The following SMG6 variants were observed in gnomAD, a reference collection of about 807,000 sequenced individuals.
SMG6 encodes telomerase-binding protein EST1A.
In SMG6, 66 loss-of-function variants were observed where a neutral mutation model predicts 142.2. The ratio of observed to expected loss-of-function variants is 0.46; its 90% CI spans 0.38 to 0.57. The LOEUF (loss-of-function observed/expected upper bound fraction) is 0.57, where lower values mean the gene tolerates loss of function less well. Ranked by LOEUF, SMG6 falls within the 20% of genes least tolerant of loss-of-function variation. The probability of loss-of-function intolerance (pLI) is 0.00; values close to 1 mark genes in which losing one functional copy is unlikely to be tolerated. For missense variants in SMG6, 1,793 were observed against 1,832.0 expected (o/e 0.98, Z 0.39); for synonymous variants, 779 against 702.4 (o/e 1.11, Z -1.72).
intron 8 of SMG6, among the ~76,000 whole-genome samples, chr17:2,259,713 C>T (rs989322490): frequency 2.0e-5 from 3 of 150,118 alleles, no homozygotes; most frequent in Non-Finnish European, 3.0e-5. Context: ...AATATGTGTG[C>T]ATTCGCACAC....
At chr17:2,125,255 T>C (rs893271056) in intron 13 of SMG6, among the ~76,000 whole-genome samples, 3 of 152,136 alleles carry the variant, frequency 2.0e-5, no homozygotes, top group Non-Finnish European at 4.4e-5. Context: ...AGAGATAACC[T>C]GGAGGGACCG....
chr17:2,081,703 C>T, intron 15 of SMG6, 107 bp downstream of exon 15: 1 of 1,317,038 alleles, frequency 7.6e-7, no homozygotes, highest in Non-Finnish European at 1.1e-6. Flanking sequence ...CACTGCAGGA[C>T]TGACTCACTC....
At chr17:2,209,033 C>A (rs1366005882) in intron 10 of SMG6, among the ~76,000 whole-genome samples, 1 of 151,972 alleles carries the variant, frequency 6.6e-6, no homozygotes, top group Non-Finnish European at 1.5e-5. Context: ...GGCATGGTAG[C>A]ATGTGTCTGT....
At chr17:2,102,138 T>C (rs1306636699) in intron 13 of SMG6, among the ~76,000 whole-genome samples, 2 of 152,226 alleles carry the variant, frequency 1.3e-5, no homozygotes, top group African/African-American at 4.8e-5. Context: ...TACTGAGCCC[T>C]GTCTGCAAGA....
intron 10 of SMG6, among the ~76,000 whole-genome samples, chr17:2,188,803 C>A (rs1039526099): frequency 6.6e-6 from 1 of 152,200 alleles, no homozygotes; most frequent in Non-Finnish European, 1.5e-5. Context: ...TGCATGGTCT[C>A]TGCCTTTAGC....
At chr17:2,253,463 T>C (rs1328012278) in intron 8 of SMG6, among the ~76,000 whole-genome samples, 3 of 152,172 alleles carry the variant, frequency 2.0e-5, no homozygotes, top group Non-Finnish European at 4.4e-5. Flanking sequence ...TGCTGATACC[T>C]GGGCTAAATA....
At chr17:2,089,202 G>A (rs933990798) in intron 13 of SMG6, among the ~76,000 whole-genome samples, 1 of 152,180 alleles carries the variant, frequency 6.6e-6, no homozygotes, top group Admixed American at 6.5e-5. Context: ...ATGAAAACCA[G>A]AGAATGTAAG....
chr17:2,232,162 A>G (rs531071025), intron 10 of SMG6, among the ~76,000 whole-genome samples: 1 of 152,122 alleles, frequency 6.6e-6, no homozygotes, highest in African/African-American at 2.4e-5. Context: ...ATGGGGTTTC[A>G]GTGCTCCCCT....
chr17:2,119,864 G>C (rs560075183), intron 13 of SMG6, among the ~76,000 whole-genome samples: 1 of 152,212 alleles, frequency 6.6e-6, no homozygotes, highest in East Asian at 1.9e-4. Flanking sequence ...AGGTTTCACT[G>C]TGTTAGCCGG....
At chr17:2,260,331 C>G (rs564891467) in intron 8 of SMG6, among the ~76,000 whole-genome samples, 20 of 152,288 alleles carry the variant, frequency 1.3e-4, no homozygotes, top group South Asian at 4.1e-4. Flanking sequence ...TTTCCCCCCC[C>G]ACAGCCAGAT....
rs558528940 is a variant in SMG6, at chr17:2,280,088, C to T, written c.2661+2559G>A. Among the ~76,000 whole-genome samples, 42 of 152,194 alleles carry T rather than the reference C, an allele frequency of 2.8e-4. No homozygotes were observed. The South Asian group carries it at 8.3e-3, about 30-fold the overall frequency. On this transcript the variant is annotated intron_variant, in intron 8 of 18. Transcript: ENST00000263073. Reference sequence around the variant, plus strand: ...TATTTTAATTTCTCTATCCTCAATGCTTACTTCTTATCAATGTGTGTGTTC... The same window carrying T: ...TATTTTAATTTCTCTATCCTCAATGTTTACTTCTTATCAATGTGTGTGTTC...
chr17:2,176,600 AC>A (rs2046149650), intron 12 of SMG6, among the ~76,000 whole-genome samples: 1 of 152,190 alleles, frequency 6.6e-6, no homozygotes, highest in African/African-American at 2.4e-5. Context: ...GCCAGAGAAT[AC>A]GCAACTGTGT....
At chr17:2,261,108 C>T (rs1001531243) in intron 8 of SMG6, among the ~76,000 whole-genome samples, 3 of 151,764 alleles carry the variant, frequency 2.0e-5, no homozygotes, top group Admixed American at 6.6e-5. Flanking sequence ...AGATCGAGAC[C>T]ATCCTGGCTA....
At chr17:2,226,206 C>G (rs71359150) in intron 10 of SMG6, among the ~76,000 whole-genome samples, 1 of 149,122 alleles carries the variant, frequency 6.7e-6, no homozygotes, top group African/African-American at 2.5e-5. Flanking sequence ...ACTAGAGAGA[C>G]AGAGGTTGCA....
chr17:2,165,667 C>G (rs1418516581), intron 13 of SMG6, among the ~76,000 whole-genome samples: 1 of 152,154 alleles, frequency 6.6e-6, no homozygotes, highest in Non-Finnish European at 1.5e-5. Context: ...TCTGGGAGGC[C>G]AAGGCGGGAG....
chr17:2,295,044 T>C (rs1382076108), intron 4 of SMG6, among the ~76,000 whole-genome samples: 2 of 152,092 alleles, frequency 1.3e-5, no homozygotes, highest in African/African-American at 4.8e-5. Flanking sequence ...ACCCAGCTAA[T>C]TTTTGTATTT....
At chr17:2,118,079 T>TA (rs926888501) in intron 13 of SMG6, among the ~76,000 whole-genome samples, 2 of 151,482 alleles carry the variant, frequency 1.3e-5, no homozygotes, top group Non-Finnish European at 2.9e-5. Flanking sequence ...CCCATTTCTA[T>TA]AAAAAATTAA....
At chr17:2,123,158 G>A (rs553142095) in intron 13 of SMG6, among the ~76,000 whole-genome samples, 21 of 152,320 alleles carry the variant, frequency 1.4e-4, no homozygotes, top group East Asian at 1.2e-3. Context: ...CTCAGGAACC[G>A]CGCTGGCTAA....
At chr17:2,184,018 A>G (rs909364227) in intron 12 of SMG6, among the ~76,000 whole-genome samples, 1 of 152,178 alleles carries the variant, frequency 6.6e-6, no homozygotes, top group Non-Finnish European at 1.5e-5. Context: ...ATACTCACAG[A>G]CCCAGACACA....
Sources: allele counts gnomAD v4.1 joint callset (sites outside exome capture counted in the v4.1 genomes callset), GRCh38; gene constraint gnomAD v4.1.1; transcripts MANE v1.5; gene names NCBI Gene and HGNC (gene_info 2026-07-23, HGNC 2026-07-21).